The following CNTNAP2 variants were observed in gnomAD, a reference collection of about 807,000 sequenced individuals.
CNTNAP2 encodes the protein contactin associated protein 2, also known as contactin-associated protein-like 2.
Under a neutral mutation model 155.2 loss-of-function variants are expected in CNTNAP2, and 98 were observed. The observed-to-expected ratio is 0.63, with a 90% CI of 0.54 to 0.75. CNTNAP2 has a LOEUF of 0.75. Ranked by LOEUF, CNTNAP2 falls within the 30% of genes least tolerant of loss-of-function variation. The pLI is 0.00. For missense variants in CNTNAP2, 1,727 were observed against 1,688.1 expected (o/e 1.02, Z -0.40); for synonymous variants, 651 against 631.2 (o/e 1.03, Z -0.47).
intron 13 of CNTNAP2, among the ~76,000 whole-genome samples, chr7:147,818,264 T>C (rs1374961863): frequency 1.3e-5 from 2 of 152,214 alleles, no homozygotes; most frequent in Non-Finnish European, 2.9e-5. Context: ...CCTATGTTCA[T>C]TGATAAAGTT....
chr7:148,010,465 T>C (rs778076752), intron 15 of CNTNAP2, among the ~76,000 whole-genome samples: 2 of 151,966 alleles, frequency 1.3e-5, no homozygotes. Flanking sequence ...TTTTATGATG[T>C]CTTTTTTCTT....
At chr7:147,792,725 G>GAAT (rs2116575571) in intron 13 of CNTNAP2, among the ~76,000 whole-genome samples, 1 of 152,182 alleles carries the variant, frequency 6.6e-6, no homozygotes, top group East Asian at 1.9e-4. Flanking sequence ...TTGATGAGTT[G>GAAT]AATTGCTGGG....
At chr7:147,950,860 G>A (rs1475686618) in intron 14 of CNTNAP2, among the ~76,000 whole-genome samples, 2 of 152,210 alleles carry the variant, frequency 1.3e-5, no homozygotes, top group Admixed American at 1.3e-4. Flanking sequence ...GGGAGTGAAG[G>A]TCAAGAGAAA....
intron 19 of CNTNAP2, among the ~76,000 whole-genome samples, chr7:148,223,245 C>T (rs954629644): frequency 6.6e-6 from 1 of 152,156 alleles, no homozygotes; most frequent in Non-Finnish European, 1.5e-5. Flanking sequence ...CTTCTCCTTG[C>T]TTTAAACTCC....
chr7:147,769,673 T>C (rs75527691), intron 13 of CNTNAP2, among the ~76,000 whole-genome samples: 1 of 152,132 alleles, frequency 6.6e-6, no homozygotes, highest in Non-Finnish European at 1.5e-5. Flanking sequence ...AGTATATTTT[T>C]CTCCACAAGA....
intron 11 of CNTNAP2, among the ~76,000 whole-genome samples, chr7:147,490,187 A>T (rs1383380455): frequency 6.6e-6 from 1 of 152,176 alleles, no homozygotes; most frequent in Non-Finnish European, 1.5e-5. Flanking sequence ...TTTCCAGGGG[A>T]AACAGGAGGA....
intron 13 of CNTNAP2, among the ~76,000 whole-genome samples, chr7:147,642,804 C>G (rs1403932037): frequency 6.6e-6 from 1 of 152,116 alleles, no homozygotes; most frequent in Non-Finnish European, 1.5e-5. Flanking sequence ...AATAATACTT[C>G]AAAAATCAGT....
chr7:148,146,303 C>G (rs972216070), intron 16 of CNTNAP2, among the ~76,000 whole-genome samples: 3 of 152,146 alleles, frequency 2.0e-5, no homozygotes, highest in African/African-American at 7.2e-5. Context: ...AAGAATTCAC[C>G]CAGCCTAAGG....
intron 1 of CNTNAP2, among the ~76,000 whole-genome samples, chr7:146,529,235 C>A (rs1185896609): frequency 6.6e-6 from 1 of 151,928 alleles, no homozygotes; most frequent in Non-Finnish European, 1.5e-5. Context: ...TAAATGTTTT[C>A]AATTTTTTTG....
chr7:148,357,060 A>G (rs1798531408), intron 21 of CNTNAP2, among the ~76,000 whole-genome samples: 1 of 152,090 alleles, frequency 6.6e-6, no homozygotes, highest in Non-Finnish European at 1.5e-5. Flanking sequence ...CTGTTACCCC[A>G]TGATATGGTT....
At chr7:146,142,630 A>G (rs1474633919) in intron 1 of CNTNAP2, among the ~76,000 whole-genome samples, 1 of 152,222 alleles carries the variant, frequency 6.6e-6, no homozygotes, top group Non-Finnish European at 1.5e-5. Flanking sequence ...ACTTATGAGC[A>G]GAAAACAAAC....
chr7:146,836,247 AT>A lies in CNTNAP2; in HGVS notation c.209-3455del, dbSNP rs11406170. Among the ~76,000 whole-genome samples the A allele has an allele frequency of 8.1e-4, 123 of 151,048 alleles. 1 individual carries two copies. Among genetic ancestry groups the A allele is most frequent in the Middle Eastern group, 3.4e-3 (1 of 290 alleles). On this transcript the variant is annotated intron_variant, in intron 2 of 23. Transcript: ENST00000361727. The stretch of plus-strand genomic sequence containing the variant: ...TGAAAGGTACAGATTTTAAATTTGT[AT>A]TTTTTTTTAAGAGATTAATCTTGGG...
intron 17 of CNTNAP2, among the ~76,000 whole-genome samples, chr7:148,166,652 C>T (rs1805667755): frequency 6.6e-6 from 1 of 152,148 alleles, no homozygotes; most frequent in South Asian, 2.1e-4. Flanking sequence ...ACTTGCAAAG[C>T]ATTTCACAAG....
In CNTNAP2 at chr7:146,566,691, C is replaced by T. The variant is rs954846168; in HGVS notation, c.98-207580C>T. 3.4e-5 allele frequency among the ~76,000 whole-genome samples: 5 copies of T among 148,496 alleles called. No individual in the cohort carries two copies. The East Asian group carries it at 8.1e-4, about 24-fold the overall frequency. ...CAGCCTGGGCGACAGAGCAAGACTC[C>T]GTCTCAAAAATAAAAATAAAAATAA... On this transcript the variant is annotated intron_variant, in intron 1 of 23. Transcript: ENST00000361727.
chr7:147,301,418 C>T (rs1354410626), intron 9 of CNTNAP2, among the ~76,000 whole-genome samples: 1 of 152,096 alleles, frequency 6.6e-6, no homozygotes, highest in South Asian at 2.1e-4. Context: ...GTTTCCTGTC[C>T]TAAATCACGC....
chr7:146,364,323 A>G (rs971106062), intron 1 of CNTNAP2, among the ~76,000 whole-genome samples: 2 of 152,136 alleles, frequency 1.3e-5, no homozygotes, highest in Non-Finnish European at 2.9e-5. Flanking sequence ...TTGACCAGTC[A>G]ATTTGAAGCC....
chr7:146,349,941 T>C (rs183845598), intron 1 of CNTNAP2, among the ~76,000 whole-genome samples: 135 of 152,202 alleles, frequency 8.9e-4, no homozygotes, highest in African/African-American at 3.2e-3. Context: ...CTGACAATTA[T>C]GTGTCTTGGA....
chr7:146,685,469 G>T (rs1040089608), intron 1 of CNTNAP2, among the ~76,000 whole-genome samples: 3 of 152,074 alleles, frequency 2.0e-5, no homozygotes, highest in Non-Finnish European at 4.4e-5. Context: ...GGTACAGGCT[G>T]GTTGACATTT....
At chr7:146,311,545 A>G (rs1227306830) in intron 1 of CNTNAP2, among the ~76,000 whole-genome samples, 1 of 147,990 alleles carries the variant, frequency 6.8e-6, no homozygotes, top group Non-Finnish European at 1.5e-5. Flanking sequence ...CGGAGGCTGG[A>G]GAATCCCTCG....
Sources: allele counts gnomAD v4.1 joint callset (sites outside exome capture counted in the v4.1 genomes callset), GRCh38; gene constraint gnomAD v4.1.1; transcripts MANE v1.5; gene names NCBI Gene and HGNC (gene_info 2026-07-23, HGNC 2026-07-21).